The following NRXN3 variants were observed in gnomAD, a reference collection of about 807,000 sequenced individuals.
NRXN3 encodes neurexin III.
Under a neutral mutation model 137.6 loss-of-function variants are expected in NRXN3, and 32 were observed. The observed-to-expected ratio is 0.23, with a 90% CI of 0.18 to 0.31. The LOEUF (loss-of-function observed/expected upper bound fraction) is 0.31, where lower values mean the gene tolerates loss of function less well. Ranked by LOEUF, NRXN3 falls within the 10% of genes least tolerant of loss-of-function variation. NRXN3 has a pLI of 1.00. For synonymous variants in NRXN3, 798 were observed against 784.5 expected, an observed-to-expected ratio of 1.02 and a Z score of -0.29; for missense variants, 1,574 against 2,062.5, an observed-to-expected ratio of 0.76 and a Z score of 4.59.
intron 19 of NRXN3, among the ~76,000 whole-genome samples, chr14:79,749,066 G>A (rs557391022): frequency 1.1e-4 from 16 of 152,104 alleles, no homozygotes; most frequent in Admixed American, 3.9e-4. Flanking sequence ...GCTTTAGGAG[G>A]CTTTTCTCTT....
intron 15 of NRXN3, among the ~76,000 whole-genome samples, chr14:79,152,926 A>G (rs1299947557): frequency 6.6e-6 from 1 of 151,982 alleles, no homozygotes; most frequent in Admixed American, 6.6e-5. Context: ...CCCTGAAATG[A>G]CACCTGTGGG....
rs547397452 is a variant in NRXN3, at chr14:78,680,579, C to T, written c.1222-28638C>T. Among the ~76,000 whole-genome samples the T allele has an allele frequency of 8.5e-5, 13 of 152,200 alleles. No homozygotes were observed. The South Asian group carries it at 2.1e-3, about 24-fold the overall frequency. On this transcript the variant is annotated intron_variant, in intron 6 of 20. Transcript: ENST00000335750. The stretch of plus-strand genomic sequence containing the variant: ...AATTTGACTCCTTTTTTTCCTGCTA[C>T]TCCCTTCCCCAGCTTGTACATGAAT...
intron 10 of NRXN3, among the ~76,000 whole-genome samples, chr14:78,909,322 A>C (rs574858431): frequency 1.4e-3 from 216 of 152,280 alleles, no homozygotes; most frequent in African/African-American, 5.0e-3. Flanking sequence ...ACTGGTCAAG[A>C]GCAAAGGTCA....
At chr14:79,469,640 GTTCTGTGAAAGCCCAGTAGA>G (rs1371280905) in intron 16 of NRXN3, among the ~76,000 whole-genome samples, 3 of 152,148 alleles carry the variant, frequency 2.0e-5, no homozygotes, top group Middle Eastern at 3.2e-3. Flanking sequence ...TTGCTTAAAC[GTTCTGTGAAAGCCCAGTAGA>G]TTTTCCTCCA....
At chr14:78,688,277 G>A (rs1242832494) in intron 6 of NRXN3, among the ~76,000 whole-genome samples, 5 of 152,168 alleles carry the variant, frequency 3.3e-5, no homozygotes, top group Non-Finnish European at 7.4e-5. Context: ...CTCTCAACAG[G>A]TAGAGATCTT....
At chr14:79,551,685 T>A (rs748721997) in intron 16 of NRXN3, among the ~76,000 whole-genome samples, 11 of 152,184 alleles carry the variant, frequency 7.2e-5, no homozygotes, top group Non-Finnish European at 1.3e-4. Flanking sequence ...AGGGACTGGC[T>A]TTTGAACAGC....
intron 15 of NRXN3, among the ~76,000 whole-genome samples, chr14:79,245,090 G>A (rs1378895316): frequency 1.3e-5 from 2 of 152,074 alleles, no homozygotes; most frequent in Non-Finnish European, 2.9e-5. Flanking sequence ...CTGAGCTTTG[G>A]TTTCCTCCTT....
chr14:78,565,174 T>C (rs2096825825), intron 4 of NRXN3, among the ~76,000 whole-genome samples: 1 of 152,214 alleles, frequency 6.6e-6, no homozygotes, highest in African/African-American at 2.4e-5. Flanking sequence ...ATTAAGTAGA[T>C]AGATCAAGGA....
In NRXN3 at chr14:79,173,257, C is replaced by T. The variant is rs533666471; in HGVS notation, c.3262+185116C>T. Among the ~76,000 whole-genome samples the T allele has an allele frequency of 2.0e-4, 30 of 152,070 alleles. No homozygotes were observed. In the South Asian group the frequency reaches 5.8e-3, roughly 29 times the overall value. ...GTTTAAGAGAAATTTAGGCCAGGCA[C>T]GGTGGCTCAATCCTGTAATCTCAGC... On this transcript the variant is annotated intron_variant, in intron 15 of 20. Transcript: ENST00000335750.
rs114327859 is a variant in NRXN3, at chr14:79,040,348, C to T, written c.3262+52207C>T. ...CAGAAATGTAAACAAATACTTCTAA[C>T]GCTAAGAAAAGTTTGTTACATGTTC... On this transcript the variant is annotated intron_variant, in intron 15 of 20. Coordinates refer to ENST00000335750, the MANE Select transcript of NRXN3 (RefSeq NM_001330195.2). Among the ~76,000 whole-genome samples the T allele has an allele frequency of 9.3e-3, 1,410 of 152,178 alleles. 22 individuals are homozygous for T. The highest frequency in any genetic ancestry group is 0.031 in the African/African-American group (1,274 of 41,524).
Position 79,861,422 on chromosome 14 carries a change from A to G in NRXN3, c.4174A>G (p.Asn1392Asp). ...PKWESKDFRP[N>D]KVSETSRTTT... ...GTGGGAATCCAAGGACTTTAGACCTAACAAAGTCTCCGAAACTAGTAGGAC... is the reference window on the plus strand; with the variant it reads ...GTGGGAATCCAAGGACTTTAGACCTGACAAAGTCTCCGAAACTAGTAGGAC... The change falls in exon 21 of 21, where the codon AAC becomes GAC. Residue 1392 changes from asparagine (N) to aspartate (D), a missense_variant. Transcript: ENST00000335750. The surrounding 1 kb of genome is among the most constrained non-coding windows in gnomAD (Gnocchi z 5.4). 1 of 1,536,410 alleles carries G rather than the reference A, an allele frequency of 6.5e-7. No individual in the cohort carries two copies. The highest frequency in any genetic ancestry group is 8.7e-7 in the Non-Finnish European group (1 of 1,146,974).
At chr14:78,677,526 G>T (rs927991778) in intron 6 of NRXN3, among the ~76,000 whole-genome samples, 1 of 152,048 alleles carries the variant, frequency 6.6e-6, no homozygotes, top group Non-Finnish European at 1.5e-5. Context: ...TTATGGATTT[G>T]CAATAAAAGA....
At chr14:79,542,342 A>T (rs145918655) in intron 16 of NRXN3, among the ~76,000 whole-genome samples, 1 of 152,222 alleles carries the variant, frequency 6.6e-6, no homozygotes, top group Non-Finnish European at 1.5e-5. Context: ...GTTGTAATAA[A>T]ATACATCAAC....
At chr14:79,243,772 T>C (rs943717207) in intron 15 of NRXN3, among the ~76,000 whole-genome samples, 2 of 152,112 alleles carry the variant, frequency 1.3e-5, no homozygotes, top group African/African-American at 4.8e-5. Context: ...AGAAAAGGGA[T>C]AGCAAAAACA....
intron 4 of NRXN3, among the ~76,000 whole-genome samples, chr14:78,551,613 C>G (rs1022516722): frequency 6.6e-6 from 1 of 151,058 alleles, no homozygotes; most frequent in African/African-American, 2.4e-5. Flanking sequence ...TATTTCTTCT[C>G]TCATTTCTAC....
At chr14:78,379,583 G>T (rs2088649157) in intron 4 of NRXN3, among the ~76,000 whole-genome samples, 1 of 152,130 alleles carries the variant, frequency 6.6e-6, no homozygotes, top group Non-Finnish European at 1.5e-5. Flanking sequence ...AAAACTCTCA[G>T]AAAAATAGTA....
intron 16 of NRXN3, among the ~76,000 whole-genome samples, chr14:79,624,230 G>T (rs1169894050): frequency 6.6e-6 from 1 of 152,166 alleles, no homozygotes; most frequent in Admixed American, 6.5e-5. Context: ...GGGAGCTCTA[G>T]AAATACATGA....
chr14:78,555,348 TAG>T (rs1224397721), intron 4 of NRXN3, among the ~76,000 whole-genome samples: 1 of 152,190 alleles, frequency 6.6e-6, no homozygotes, highest in Admixed American at 6.5e-5. Context: ...TGTAATGGAT[TAG>T]AGACTTTCCC....
intron 15 of NRXN3, among the ~76,000 whole-genome samples, chr14:79,004,124 G>T (rs1022506204): frequency 2.6e-5 from 4 of 152,116 alleles, no homozygotes; most frequent in Non-Finnish European, 5.9e-5. Context: ...AGATAATAAA[G>T]ATTTAAACTG....
Sources: gnomAD v4.1 joint callset for allele counts (sites outside exome capture counted in the v4.1 genomes callset) on GRCh38, gnomAD v4.1.1 for gene constraint, Gnocchi (gnomAD v3.1) non-coding constraint, MANE v1.5 for transcripts, NCBI Gene and HGNC (gene_info 2026-07-23, HGNC 2026-07-21) for gene names.